Variants in ACKR4 observed in about 807,000 individuals in gnomAD.
ACKR4 encodes the protein atypical chemokine receptor 4.
A neutral mutation model predicts 8.5 loss-of-function variants in ACKR4; 2 were observed. That is an observed-to-expected ratio of 0.23 (90% confidence interval 0.10 to 0.74). The LOEUF (loss-of-function observed/expected upper bound fraction) is 0.74. Ranked by LOEUF, ACKR4 falls within the 30% of genes least tolerant of loss-of-function variation. The pLI is 0.75. For synonymous variants in ACKR4, 67 were observed against 145.0 expected (o/e 0.46, Z 3.86); for missense variants, 167 against 422.1 (o/e 0.40, Z 5.30).
At chr3:132,597,725 C>T (rs969948938) in intron 1 of ACKR4, among the ~76,000 whole-genome samples, 1 of 151,884 alleles carries the variant, frequency 6.6e-6, no homozygotes, top group African/African-American at 2.4e-5. Context: ...TTTTTACTCA[C>T]ATTTTTAGTA....
At chr3:132,599,142 G>A (rs996245827) in intron 1 of ACKR4, among the ~76,000 whole-genome samples, 5 of 151,866 alleles carry the variant, frequency 3.3e-5, no homozygotes, top group Non-Finnish European at 2.9e-5. Flanking sequence ...GCAAAACCCC[G>A]TCTCTATCAA....
At chr3:132,599,618 AAG>A (rs1242668809) in intron 1 of ACKR4, among the ~76,000 whole-genome samples, 6 of 150,396 alleles carry the variant, frequency 4.0e-5, no homozygotes, top group Non-Finnish European at 5.9e-5. Flanking sequence ...TTAAGAGGAG[AAG>A]ACAGATTCAA....
chr3:132,601,034 T>G lies in ACKR4; in HGVS notation c.637T>G (p.Phe213Val). The change falls in exon 2 of 2, where the codon TTT becomes GTT. Residue 213 changes from phenylalanine to valine, a missense_variant. By Grantham distance (50) the Phe-to-Val change is conservative. This residue lies in a region of ACKR4 where 149 missense variants were observed against 281.9 expected (regional missense o/e 0.53). Coordinates refer to ENST00000249887, the MANE Select transcript of ACKR4 (RefSeq NM_016557.4). ...LEICIGFVVP[F>V]LIMGVCYFIT... ...GATCTGCATTGGATTTGTAGTACCCTTTCTTATTATGGGGGTGTGCTACTT... is the reference window on the plus strand; with the variant it reads ...GATCTGCATTGGATTTGTAGTACCCGTTCTTATTATGGGGGTGTGCTACTT... The G allele has an allele frequency of 6.2e-7, 1 of 1,613,960 alleles. No individual in the cohort carries two copies. Among genetic ancestry groups the G allele is most frequent in the Admixed American group, 1.7e-5 (1 of 60,010 alleles).
rs1173620268 is a variant in ACKR4 at position 132,600,974 on chromosome 3, G to A, written c.577G>A (p.Gly193Arg). The A allele has an allele frequency of 3.1e-6, 5 of 1,612,810 alleles. No homozygotes were observed. The highest frequency in any genetic ancestry group is 1.1e-5 in the South Asian group (1 of 90,930). The part of the protein sequence containing the change: ...RCIPIFPRYL[G>R]TSMKALIQML... Reference sequence around the variant, plus strand: ...CATTCCCATTTTCCCCCGCTACCTAGGAACATCAATGAAAGCATTGATTCA... The same window carrying A: ...CATTCCCATTTTCCCCCGCTACCTAAGAACATCAATGAAAGCATTGATTCA... The change falls in exon 2 of 2, where the codon GGA becomes AGA. Residue 193 changes from glycine (G) to arginine (R), a missense_variant. Gly to Arg is a moderately radical substitution (Grantham distance 125, BLOSUM62 -2). Coordinates refer to ENST00000249887, the MANE Select transcript of ACKR4 (RefSeq NM_016557.4).
intron 1 of ACKR4, among the ~76,000 whole-genome samples, chr3:132,599,277 G>A (rs1034588932): frequency 6.6e-6 from 1 of 152,180 alleles, no homozygotes; most frequent in Admixed American, 6.5e-5. Context: ...GGAGGCCGAG[G>A]CAGGTGGATC....
In ACKR4 at chr3:132,602,432, A is replaced by G. The variant is rs971054739; in HGVS notation, c.*982A>G. Among the ~76,000 whole-genome samples the G allele has an allele frequency of 6.6e-6, 1 of 152,160 alleles. No individual in the cohort carries two copies. The highest frequency in any genetic ancestry group is 1.5e-5 in the Non-Finnish European group (1 of 68,010). On this transcript the variant is annotated 3_prime_UTR_variant, in exon 2 of 2. Transcript: ENST00000249887. ...TGTTTATACAAGTCTACCACTGCCG[A>G]TTGACTAAAAAATACATTATCCCAT...
Position 132,600,428 on chromosome 3 carries a change from T to C in ACKR4, c.31T>C (p.Tyr11His), listed in dbSNP as rs1938518461. The C allele has an allele frequency of 6.2e-7, 1 of 1,605,556 alleles. No homozygotes were observed. Among genetic ancestry groups the C allele is most frequent in the African/African-American group, 1.3e-5 (1 of 74,698 alleles). Residue 11 changes from tyrosine (Y) to histidine (H), a missense_variant, in exon 2 of 2, where the codon TAT becomes CAT. By Grantham distance (83) the Tyr-to-His change is moderately conservative. Coordinates refer to ENST00000249887, the MANE Select transcript of ACKR4 (RefSeq NM_016557.4). MALEQNQSTD[Y>H]YYEENEMNGT... ...TTTGGAACAGAACCAGTCAACAGATTATTATTATGAGGAAAATGAAATGAA... is the reference window on the plus strand; with the variant it reads ...TTTGGAACAGAACCAGTCAACAGATCATTATTATGAGGAAAATGAAATGAA...
chr3:132,600,320 T>C (rs921161555), intron 1 of ACKR4, 69 bp from the exon 2 acceptor site: 2 of 1,327,862 alleles, frequency 1.5e-6, no homozygotes, highest in South Asian at 3.1e-5. Flanking sequence ...ACAAAACAGC[T>C]TGATAAAAAC....
chr3:132,599,027 G>T (rs1217997416), intron 1 of ACKR4, among the ~76,000 whole-genome samples: 2 of 152,164 alleles, frequency 1.3e-5, no homozygotes, highest in Non-Finnish European at 2.9e-5. Flanking sequence ...GAAAGATACT[G>T]CTTGGCCAGG....
intron 1 of ACKR4, among the ~76,000 whole-genome samples, 198 bp downstream of exon 1, chr3:132,597,521 A>G (rs1938369697): frequency 6.6e-6 from 1 of 152,006 alleles, no homozygotes; most frequent in Non-Finnish European, 1.5e-5. Context: ...AGAAGAAAAT[A>G]CGATTTTAAA....
rs908473851 is a variant in ACKR4, at chr3:132,600,271, C to A, written c.-9-118C>A. The stretch of plus-strand genomic sequence containing the variant: ...TTTCAAAGAGTGCTAGATTCAGGCT[C>A]ACATATGTTACAGCAACAGGCTATA... On this transcript the variant is annotated intron_variant, in intron 1 of 1. Coordinates refer to ENST00000249887, the MANE Select transcript of ACKR4 (RefSeq NM_016557.4). The A allele has an allele frequency of 1.1e-5, 9 of 849,854 alleles. No individual in the cohort carries two copies. The Admixed American group carries it at 1.5e-4, about 14-fold the overall frequency. The allele number at this position is 849,854 out of a possible 1,614,324, so 52.6% of individuals were successfully genotyped here.
chr3:132,602,327 A>T lies in ACKR4; in HGVS notation c.*877A>T, dbSNP rs192099864. ...GGTTATCATGACAAATGTTAGGTTT[A>T]TCATATATAGTCTAGGTGTAATCCT... On this transcript the variant is annotated 3_prime_UTR_variant, in exon 2 of 2. Transcript: ENST00000249887. The T allele has an allele frequency of 1.6e-3, 264 of 167,152 alleles. No homozygotes were observed. Among genetic ancestry groups the T allele is most frequent in the African/African-American group, 6.2e-3 (256 of 41,578 alleles). The allele number at this position is 167,152 out of a possible 1,614,324, so 10.4% of individuals were successfully genotyped here.
In ACKR4 at chr3:132,601,007, G is replaced by A. The variant is rs1159242806; in HGVS notation, c.610G>A (p.Glu204Lys). 1 of 1,613,556 alleles carries A rather than the reference G, an allele frequency of 6.2e-7. No homozygotes were observed. The highest frequency in any genetic ancestry group is 8.5e-7 in the Non-Finnish European group (1 of 1,179,784). Residue 204 changes from glutamate (E) to lysine (K), a missense_variant, in exon 2 of 2, where the codon GAG becomes AAG. Glu to Lys is a moderately conservative substitution (Grantham distance 56). Around this residue, in one of 2 missense-constraint regions of ACKR4, gnomAD observed 149 missense variants for 281.9 expected, o/e 0.53. Transcript: ENST00000249887. ...AATGAAAGCATTGATTCAAATGCTAGAGATCTGCATTGGATTTGTAGTACC... is the reference window on the plus strand; with the variant it reads ...AATGAAAGCATTGATTCAAATGCTAAAGATCTGCATTGGATTTGTAGTACC... The part of the protein sequence containing the change: ...TSMKALIQML[E>K]ICIGFVVPFL...
intron 1 of ACKR4, among the ~76,000 whole-genome samples, chr3:132,598,906 A>C (rs1260076994): frequency 6.6e-6 from 1 of 152,190 alleles, no homozygotes; most frequent in African/African-American, 2.4e-5. Flanking sequence ...ATGAGGAACA[A>C]AACAGAGGAG....
intron 1 of ACKR4, among the ~76,000 whole-genome samples, chr3:132,599,422 G>A (rs1300247180): frequency 2.0e-5 from 3 of 151,782 alleles, no homozygotes; most frequent in Non-Finnish European, 4.4e-5. Flanking sequence ...CAGGAGAATC[G>A]CATGAACCCG....
chr3:132,598,965 A>G (rs1177703947), intron 1 of ACKR4, among the ~76,000 whole-genome samples: 1 of 152,190 alleles, frequency 6.6e-6, no homozygotes, highest in Non-Finnish European at 1.5e-5. Flanking sequence ...AAGTAAGAAA[A>G]ACGTTTTTGA....
chr3:132,602,268 T>G lies in ACKR4; in HGVS notation c.*818T>G, dbSNP rs1041942985. On this transcript the variant is annotated 3_prime_UTR_variant, in exon 2 of 2. Coordinates refer to ENST00000249887, the MANE Select transcript of ACKR4 (RefSeq NM_016557.4). ...CTGGTAAGTTCCTAAAGACATAATT[T>G]GCTTCTATGATGTCAACTTTCTTAC... 1 of 166,990 alleles carries G rather than the reference T, an allele frequency of 6.0e-6. No homozygotes were observed. The highest frequency in any genetic ancestry group is 6.6e-5 in the Admixed American group (1 of 15,258). 10.3% of individuals were successfully genotyped at this position (166,990 alleles called of 1,614,324 possible).
Position 132,601,088 on chromosome 3 carries a change from C to A in ACKR4, c.691C>A (p.Pro231Thr), listed in dbSNP as rs1376051852. 6.2e-7 allele frequency: 1 copy of A among 1,613,830 alleles called. No homozygotes were observed. Among genetic ancestry groups the A allele is most frequent in the East Asian group, 2.2e-5 (1 of 44,864 alleles). Residue 231 changes from proline (P) to threonine (T), a missense_variant, in exon 2 of 2, where the codon CCA becomes ACA. By Grantham distance (38) the Pro-to-Thr change is conservative. This residue lies in a region of ACKR4 where 149 missense variants were observed against 281.9 expected (regional missense o/e 0.53). Coordinates refer to ENST00000249887, the MANE Select transcript of ACKR4 (RefSeq NM_016557.4). Reference sequence around the variant, plus strand: ...CACAGCAAGGACACTCATGAAGATGCCAAACATTAAAATATCTCGACCCCT... The same window carrying A: ...CACAGCAAGGACACTCATGAAGATGACAAACATTAAAATATCTCGACCCCT... ...FITARTLMKM[P>T]NIKISRPLKV... is the part of the protein sequence containing the mutation.
chr3:132,598,952 T>C (rs1163816624), intron 1 of ACKR4, among the ~76,000 whole-genome samples: 1 of 152,016 alleles, frequency 6.6e-6, no homozygotes, highest in Non-Finnish European at 1.5e-5. Flanking sequence ...AATACTCTGG[T>C]GGAAGTAAGA....
Sources: gnomAD v4.1 joint callset for allele counts (sites outside exome capture counted in the v4.1 genomes callset) on GRCh38, gnomAD v4.1.1 for gene constraint, gnomAD v4.1.1 regional missense constraint, MANE v1.5 for transcripts, NCBI Gene and HGNC (gene_info 2026-07-23, HGNC 2026-07-21) for gene names.